ST7L: variants seen among roughly 807,000 people sequenced by gnomAD.
The protein encoded by ST7L is suppression of tumorigenicity 7 like, also known as suppressor of tumorigenicity 7 protein-like.
In ST7L, 57 loss-of-function variants were observed where a neutral mutation model predicts 72.5. The observed-to-expected ratio is 0.79, with a 90% CI of 0.64 to 0.98. The LOEUF (loss-of-function observed/expected upper bound fraction) is 0.98, where lower values mean the gene tolerates loss of function less well. ST7L is among the 50% of genes least tolerant of loss of function. The pLI, the probability that ST7L is intolerant of heterozygous loss-of-function variation, is 0.00. For synonymous variants in ST7L, 221 were observed against 240.9 expected, an observed-to-expected ratio of 0.92 and a Z score of 0.77; for missense variants, 576 against 672.2, an observed-to-expected ratio of 0.86 and a Z score of 1.58.
At chr1:112,619,513 T>C (rs1420849587), upstream of ST7L, 3 of 523,756 alleles carry the variant, frequency 5.7e-6, no homozygotes, top group Non-Finnish European at 6.7e-6. Flanking sequence ...GAAAAACTTG[T>C]AGGAGTAGCA....
intron 13 of ST7L, among the ~76,000 whole-genome samples, chr1:112,549,905 A>G (rs6537743): frequency 0.5 from 75,929 of 151,922 alleles, 19,357 homozygotes; most frequent in East Asian, 0.64. Context: ...TCTCCATTAA[A>G]TATAATGTTA....
At position 112,573,319 on chromosome 1, in the gene ST7L, GC is replaced by G. The variant is rs1239175292; in HGVS notation, c.1245+3666del. On this transcript the variant is annotated intron_variant, in intron 11 of 14. Coordinates refer to ENST00000358039, the MANE Select transcript of ST7L (RefSeq NM_017744.5). ...GCCGAGATCGCGCCATTGCACTCCAGCCCGGGCAGCAAGAGCAAAACTCCCT... is the reference window on the plus strand; with the variant it reads ...GCCGAGATCGCGCCATTGCACTCCAGCCGGGCAGCAAGAGCAAAACTCCCT... Among the ~76,000 whole-genome samples the G allele has an allele frequency of 2.6e-5, 3 of 115,650 alleles. No homozygotes were observed. The Admixed American group carries it at 3.4e-4, about 13-fold the overall frequency. The allele number at this position is 115,650 out of a possible 152,430, so 75.9% of individuals were successfully genotyped here.
chr1:112,615,629 G>T (rs566581735), intron 2 of ST7L, among the ~76,000 whole-genome samples: 2 of 152,246 alleles, frequency 1.3e-5, no homozygotes, highest in South Asian at 4.1e-4. Context: ...TGCTATAATG[G>T]TGCCTGTGAA....
chr1:112,617,463 G>A (rs1310491819), intron 1 of ST7L, among the ~76,000 whole-genome samples: 2 of 152,134 alleles, frequency 1.3e-5, no homozygotes, highest in Admixed American at 1.3e-4. Context: ...CATAATCTCA[G>A]AGTTTTGGGA....
At chr1:112,595,262 G>A (rs370342271) in intron 5 of ST7L, among the ~76,000 whole-genome samples, 1 of 151,206 alleles carries the variant, frequency 6.6e-6, no homozygotes, top group East Asian at 2.0e-4. Context: ...CTACTCAGGA[G>A]GCTGAGGCAG....
intron 11 of ST7L, among the ~76,000 whole-genome samples, chr1:112,575,782 T>C (rs1371222325): frequency 1.3e-5 from 2 of 152,246 alleles, no homozygotes; most frequent in African/African-American, 4.8e-5. Flanking sequence ...ACCATAGATA[T>C]GGGTGAACCG....
At chr1:112,585,296 G>C (rs951267891) in intron 6 of ST7L, among the ~76,000 whole-genome samples, 2 of 152,172 alleles carry the variant, frequency 1.3e-5, no homozygotes, top group Non-Finnish European at 2.9e-5. Context: ...CTAGGCATTA[G>C]CCACATGTGG....
At position 112,576,643 on chromosome 1, in the gene ST7L, G is replaced by A. The variant is rs1249836280; in HGVS notation, c.1245+343C>T. On this transcript the variant is annotated intron_variant, in intron 11 of 14. Transcript: ENST00000358039. Reference sequence around the variant, plus strand: ...CATCTGTCTAGAAAAAGCTTTCACAGTAACAGGAAATTTGATTTAGTGATA... The same window carrying A: ...CATCTGTCTAGAAAAAGCTTTCACAATAACAGGAAATTTGATTTAGTGATA... 1.3e-5 allele frequency among the ~76,000 whole-genome samples: 2 copies of A among 152,106 alleles called. 1 individual carries two copies.
At chr1:112,540,299 T>C in intron 14 of ST7L, 1 of 985,440 alleles carries the variant, frequency 1.0e-6, no homozygotes, top group Middle Eastern at 5.2e-4. Flanking sequence ...AGTTGCACAT[T>C]TTCTTTCCAG....
At chr1:112,557,120 C>G (rs2101619526) in intron 11 of ST7L, among the ~76,000 whole-genome samples, 1 of 151,728 alleles carries the variant, frequency 6.6e-6, no homozygotes, top group African/African-American at 2.4e-5. Context: ...TTAGAATTCA[C>G]CCATTAAAGT....
At chr1:112,521,478 T>C (rs561929516), downstream of ST7L, 1 of 152,190 alleles carries the variant, frequency 6.6e-6, no homozygotes, top group Non-Finnish European at 1.5e-5. Context: ...GGCATCAGTA[T>C]ATATTAGGCA....
At chr1:112,562,453 T>TA (rs1008106383) in intron 11 of ST7L, among the ~76,000 whole-genome samples, 5 of 150,432 alleles carry the variant, frequency 3.3e-5, no homozygotes, top group East Asian at 3.9e-4. Context: ...ACAGACCAAT[T>TA]AAAAAAAAAG....
At chr1:112,568,135 C>T (rs149030947) in intron 11 of ST7L, among the ~76,000 whole-genome samples, 8 of 152,070 alleles carry the variant, frequency 5.3e-5, no homozygotes, top group East Asian at 1.9e-4. Flanking sequence ...GGCTTGTGCA[C>T]GCATGTGAAT....
chr1:112,592,485 T>A lies in ST7L; in HGVS notation c.623-882A>T, dbSNP rs1376112931. ...AAATACATTTCTCATATCAAACATG[T>A]CACCAGCTAGCTGCCACCTAACGCT... On this transcript the variant is annotated intron_variant, in intron 5 of 14. Coordinates refer to ENST00000358039, the MANE Select transcript of ST7L (RefSeq NM_017744.5). Among the ~76,000 whole-genome samples the A allele has an allele frequency of 5.9e-5, 9 of 152,314 alleles. No homozygotes were observed. The East Asian group carries it at 1.7e-3, about 29-fold the overall frequency.
chr1:112,587,208 G>C (rs1192242107), intron 6 of ST7L, among the ~76,000 whole-genome samples: 1 of 152,164 alleles, frequency 6.6e-6, no homozygotes, highest in African/African-American at 2.4e-5. Flanking sequence ...TATGAGGTAA[G>C]GGACCACCTT....
At chr1:112,561,483 T>C (rs1360125698) in intron 11 of ST7L, among the ~76,000 whole-genome samples, 2 of 151,952 alleles carry the variant, frequency 1.3e-5, no homozygotes, top group Non-Finnish European at 2.9e-5. Context: ...TATACAGATC[T>C]AACTTTTTTT....
At chr1:112,554,782 T>C (rs1185263269) in intron 12 of ST7L, among the ~76,000 whole-genome samples, 1 of 152,202 alleles carries the variant, frequency 6.6e-6, no homozygotes. Context: ...GATATATACA[T>C]ACAATGAATT....
chr1:112,573,816 C>A (rs1337348537), intron 11 of ST7L, among the ~76,000 whole-genome samples: 1 of 151,596 alleles, frequency 6.6e-6, no homozygotes, highest in African/African-American at 2.4e-5. Flanking sequence ...ATCGCTTGAG[C>A]CCAGGAGGTG....
chr1:112,599,101 T>A lies in ST7L; in HGVS notation c.507-1015A>T, dbSNP rs1471173242. ...ATATATATATATATATATATATATA[T>A]ATATATATATGTGGATGTGTGTGTA... On this transcript the variant is annotated intron_variant, in intron 4 of 14. Transcript: ENST00000358039. Among the ~76,000 whole-genome samples, 42 of 82,030 alleles carry A rather than the reference T, an allele frequency of 5.1e-4. 2 individuals are homozygous for A. The highest frequency in any genetic ancestry group is 1.8e-3 in the East Asian group (5 of 2,728). The allele number at this position is 82,030 out of a possible 152,430, so 53.8% of individuals were successfully genotyped here. A position where few individuals can be genotyped will look rare whatever the true frequency, so the allele number is the denominator to read the frequency against.
Sources: allele counts gnomAD v4.1 joint callset (sites outside exome capture counted in the v4.1 genomes callset), GRCh38; gene constraint gnomAD v4.1.1; transcripts MANE v1.5; gene names NCBI Gene and HGNC (gene_info 2026-07-23, HGNC 2026-07-21).